Variants in CWH43 observed in about 807,000 individuals in gnomAD.
CWH43 encodes cell wall biogenesis 43 C-terminal homolog, also known as PGAP2-interacting protein.
Under a neutral mutation model 85.7 loss-of-function variants are expected in CWH43, and 91 were observed. That is an observed-to-expected ratio of 1.06 (90% CI 0.90 to 1.26). The LOEUF (loss-of-function observed/expected upper bound fraction) is 1.26. CWH43 is among the 50% of genes most tolerant of loss of function. CWH43 has a pLI of 0.00. For missense variants in CWH43, 869 were observed against 839.2 expected, an observed-to-expected ratio of 1.04 and a Z score of -0.44; for synonymous variants, 323 against 293.6, an observed-to-expected ratio of 1.10 and a Z score of -1.02.
chr4:49,045,511 T>C (rs1346056779), intron 14 of CWH43, among the ~76,000 whole-genome samples: 2 of 152,206 alleles, frequency 1.3e-5, no homozygotes, highest in African/African-American at 4.8e-5. Flanking sequence ...ACCTTTTCTA[T>C]GTTTAGATAC....
At chr4:48,996,116 GT>G in intron 5 of CWH43, among the ~76,000 whole-genome samples, 1 of 152,190 alleles carries the variant, frequency 6.6e-6, no homozygotes, top group South Asian at 2.1e-4. Context: ...GACTGTTCCT[GT>G]CCCCCCTCTG....
intron 1 of CWH43, among the ~76,000 whole-genome samples, chr4:48,988,176 T>TCC (rs1782549203): frequency 6.6e-6 from 1 of 152,192 alleles, no homozygotes; most frequent in Non-Finnish European, 1.5e-5. Flanking sequence ...TGGGTATATA[T>TCC]CCTACAGATA....
chr4:49,048,660 T>C (rs1445374857), intron 14 of CWH43, among the ~76,000 whole-genome samples: 6 of 151,846 alleles, frequency 4.0e-5, no homozygotes, highest in Middle Eastern at 3.2e-3. Context: ...GAGAGTGAGC[T>C]CTCTGGTGTC....
chr4:48,998,057 G>A (rs1782869208), intron 5 of CWH43, among the ~76,000 whole-genome samples: 1 of 152,136 alleles, frequency 6.6e-6, no homozygotes, highest in African/African-American at 2.4e-5. Context: ...TCTTGGGAAG[G>A]CCGAGACTCT....
At chr4:49,042,575 T>G (rs548384186) in intron 13 of CWH43, among the ~76,000 whole-genome samples, 70 of 152,034 alleles carry the variant, frequency 4.6e-4, no homozygotes, top group African/African-American at 1.6e-3. Flanking sequence ...GATTAAGGAG[T>G]GGCCACCATG....
intron 14 of CWH43, among the ~76,000 whole-genome samples, chr4:49,046,390 C>T (rs373130588): frequency 6.6e-5 from 10 of 151,306 alleles, no homozygotes; most frequent in Admixed American, 1.3e-4. Flanking sequence ...GTGTTGTTCT[C>T]GGGAGTGGGA....
At chr4:49,040,602 C>G (rs1487942863) in intron 13 of CWH43, among the ~76,000 whole-genome samples, 1 of 151,932 alleles carries the variant, frequency 6.6e-6, no homozygotes, top group Non-Finnish European at 1.5e-5. Context: ...TTGTTTTTTT[C>G]TTGTAAATTT....
chr4:49,039,891 C>T, intron 13 of CWH43, among the ~76,000 whole-genome samples: 1 of 151,880 alleles, frequency 6.6e-6, no homozygotes, highest in Non-Finnish European at 1.5e-5. Flanking sequence ...GCTATCCCTC[C>T]CCCGTCCCCA....
chr4:49,012,787 G>C (rs1460435055), intron 8 of CWH43, among the ~76,000 whole-genome samples: 7 of 152,266 alleles, frequency 4.6e-5, no homozygotes, highest in Non-Finnish European at 7.3e-5. Context: ...GTTTGCCTGG[G>C]TATCACCAGT....
intron 15 of CWH43, among the ~76,000 whole-genome samples, chr4:49,057,431 A>G (rs1785002110): frequency 6.6e-6 from 1 of 152,192 alleles, no homozygotes. Flanking sequence ...GGCAGTAAAT[A>G]TGCATTTATC....
intron 12 of CWH43, among the ~76,000 whole-genome samples, chr4:49,036,226 C>G (rs767143620): frequency 6.6e-6 from 1 of 152,148 alleles, no homozygotes. Context: ...TTGGCCAAAC[C>G]TAACTGGAAA....
rs752536359 is a variant in CWH43 at position 49,050,699 on chromosome 4, G to A, written c.1871G>A (p.Gly624Asp). 6.2e-7 allele frequency: 1 copy of A among 1,610,466 alleles called. No individual in the cohort carries two copies. Residue 624 changes from glycine (G) to aspartate (D), a missense_variant, in exon 15 of 16, where the codon GGT becomes GAT. Physicochemically the swap from Gly to Asp is moderately conservative, Grantham distance 94 (BLOSUM62 -1). This residue lies in a region of CWH43 where 577 missense variants were observed against 513.1 expected (regional missense o/e 1.12). Coordinates refer to ENST00000226432, the MANE Select transcript of CWH43 (RefSeq NM_025087.3). ...CATTTCTGTTTCTGCTACAGGTTGG[G>A]TTATGCAAGAATCTCCCATGCTGAA... ...YIMYRGLIRL[G>D]YARISHAELS...
At chr4:48,987,192 C>T (rs1037141099) in intron 1 of CWH43, among the ~76,000 whole-genome samples, 2 of 152,048 alleles carry the variant, frequency 1.3e-5, no homozygotes, top group African/African-American at 4.8e-5. Flanking sequence ...ACTTGATTTT[C>T]TGGGAGCTGG....
At chr4:49,025,180 G>A (rs1445550318) in intron 9 of CWH43, among the ~76,000 whole-genome samples, 2 of 151,610 alleles carry the variant, frequency 1.3e-5, no homozygotes, top group African/African-American at 2.4e-5. Flanking sequence ...TTCTCTAAGC[G>A]TGTCCATTTC....
At chr4:48,990,929 A>G (rs1386060394) in intron 2 of CWH43, among the ~76,000 whole-genome samples, 1 of 152,222 alleles carries the variant, frequency 6.6e-6, no homozygotes, top group African/African-American at 2.4e-5. Flanking sequence ...TATACATGCA[A>G]TGGAATATTA....
At chr4:49,057,956 A>G (rs1018722800) in intron 15 of CWH43, among the ~76,000 whole-genome samples, 21 of 152,294 alleles carry the variant, frequency 1.4e-4, no homozygotes, top group African/African-American at 4.6e-4. Flanking sequence ...TTTGCATGGA[A>G]TATCTTTCCA....
At chr4:48,989,068 A>G (rs1170614020) in intron 2 of CWH43, among the ~76,000 whole-genome samples, 1 of 152,242 alleles carries the variant, frequency 6.6e-6, no homozygotes, top group Non-Finnish European at 1.5e-5. Flanking sequence ...CAGTCAAACA[A>G]GAAACTAGGA....
In CWH43 at chr4:49,038,080, T is replaced by C. The variant is rs1264702287; in HGVS notation, c.1703T>C (p.Leu568Pro). 1.9e-6 allele frequency: 3 copies of C among 1,612,790 alleles called. No individual in the cohort carries two copies. The highest frequency in any genetic ancestry group is 2.5e-6 in the Non-Finnish European group (3 of 1,179,486). Reference sequence around the variant, plus strand: ...CTGCAGGCTATTGCTGTTTCAAAACTACTGAAAAGTAGCTCTAATCAAGTG... The same window carrying C: ...CTGCAGGCTATTGCTGTTTCAAAACCACTGAAAAGTAGCTCTAATCAAGTG... ...RKLQAIAVSK[L>P]LKSSSNQVIF... Residue 568 changes from leucine (L) to proline (P), a missense_variant, in exon 13 of 16, where the codon CTA (leucine) becomes CCA (proline). Physicochemically the swap from Leu to Pro is moderately conservative, Grantham distance 98. Around this residue, in one of 3 missense-constraint regions of CWH43, gnomAD observed 577 missense variants for 513.1 expected, o/e 1.12. Transcript: ENST00000226432.
rs755379629 is a variant in CWH43 at position 48,992,119 on chromosome 4, T to C, written c.511+29T>C. The C allele has an allele frequency of 1.0e-5, 16 of 1,584,880 alleles. No homozygotes were observed. The African/African-American group carries it at 2.1e-4, about 21-fold the overall frequency. ...ATACTGTAACTTAGGAATTTTCTCT[T>C]TGCAGAGCTTACCTTTCCTATGTGA... On this transcript the variant is annotated intron_variant, in intron 4 of 15. Coordinates refer to ENST00000226432, the MANE Select transcript of CWH43 (RefSeq NM_025087.3). The surrounding 1 kb of genome is among the most constrained non-coding windows in gnomAD (Gnocchi z 4.3).
Sources: allele counts gnomAD v4.1 joint callset (sites outside exome capture counted in the v4.1 genomes callset), GRCh38; gene constraint gnomAD v4.1.1; regional missense constraint gnomAD v4.1.1; non-coding constraint Gnocchi (gnomAD v3.1); transcripts MANE v1.5; gene names NCBI Gene and HGNC (gene_info 2026-07-23, HGNC 2026-07-21).